Variants in ATG7 observed in about 807,000 individuals in gnomAD.
The protein encoded by ATG7 is autophagy related 7, also known as ubiquitin-like modifier-activating enzyme ATG7.
ATG7 carries 70 observed loss-of-function variants against 82.4 expected under a neutral mutation model. That is an observed-to-expected ratio of 0.85 (90% CI 0.70 to 1.04). ATG7 has a LOEUF of 1.04. Ranked by LOEUF, ATG7 falls within the 50% of genes least tolerant of loss-of-function variation. ATG7 has a pLI of 0.00. For missense variants in ATG7, 792 were observed against 864.3 expected, an observed-to-expected ratio of 0.92 and a Z score of 1.05; for synonymous variants, 287 against 313.0, an observed-to-expected ratio of 0.92 and a Z score of 0.88.
chr3:11,288,095 T>C (rs950559319), intron 3 of ATG7, among the ~76,000 whole-genome samples: 4 of 152,220 alleles, frequency 2.6e-5, no homozygotes, highest in Admixed American at 1.3e-4. Flanking sequence ...TCTGGCCTTC[T>C]TCAGGAAAAG....
At chr3:11,413,999 G>GC (rs2081149418) in intron 19 of ATG7, among the ~76,000 whole-genome samples, 2 of 108,594 alleles carry the variant, frequency 1.8e-5, no homozygotes, top group Non-Finnish European at 4.7e-5. Context: ...CTAGGTTATG[G>GC]TATTAGGTTT....
intron 19 of ATG7, among the ~76,000 whole-genome samples, chr3:11,402,809 G>T (rs1279032553): frequency 1.3e-5 from 2 of 152,008 alleles, no homozygotes; most frequent in Admixed American, 1.3e-4. Context: ...TGGAGTCAGG[G>T]TCTCATAGCC....
At chr3:11,274,705 T>A (rs974402201) in intron 1 of ATG7, among the ~76,000 whole-genome samples, 1 of 152,180 alleles carries the variant, frequency 6.6e-6, no homozygotes, top group African/African-American at 2.4e-5. Flanking sequence ...ACTAGTTTTG[T>A]GACCCTGGGC....
At chr3:11,487,494 C>T (rs75298356) in intron 20 of ATG7, among the ~76,000 whole-genome samples, 22 of 61,638 alleles carry the variant, frequency 3.6e-4, no homozygotes, top group African/African-American at 1.1e-3. Flanking sequence ...CCGGACAGGG[C>T]GGCTGGCCGG....
intron 20 of ATG7, among the ~76,000 whole-genome samples, chr3:11,520,440 T>C (rs902409741): frequency 1.3e-5 from 2 of 152,246 alleles, no homozygotes; most frequent in Non-Finnish European, 2.9e-5. Flanking sequence ...ATTCTGCTTA[T>C]AGCTCAGCAG....
chr3:11,298,154 A>G (rs1946243023), intron 3 of ATG7, among the ~76,000 whole-genome samples: 1 of 152,030 alleles, frequency 6.6e-6, no homozygotes. Context: ...ACTCCAGTGC[A>G]ACAGAGTGAG....
At chr3:11,371,712 G>T (rs1286959392) in intron 18 of ATG7, among the ~76,000 whole-genome samples, 1 of 151,056 alleles carries the variant, frequency 6.6e-6, no homozygotes, top group Non-Finnish European at 1.5e-5. Context: ...ATGAAAACAT[G>T]GCTTCTTGAT....
intron 19 of ATG7, among the ~76,000 whole-genome samples, chr3:11,409,664 C>T (rs983305973): frequency 3.9e-5 from 6 of 152,082 alleles, no homozygotes; most frequent in African/African-American, 1.4e-4. Flanking sequence ...TCTAGATTTT[C>T]TCCCATGTTA....
chr3:11,392,536 A>G (rs1307440204), intron 19 of ATG7, among the ~76,000 whole-genome samples: 3 of 152,032 alleles, frequency 2.0e-5, no homozygotes, highest in Non-Finnish European at 2.9e-5. Flanking sequence ...GGGCCAAGAA[A>G]CAGAACGATG....
At chr3:11,424,962 A>T (rs1283376112) in intron 19 of ATG7, among the ~76,000 whole-genome samples, 2 of 137,794 alleles carry the variant, frequency 1.5e-5, no homozygotes, top group Non-Finnish European at 1.6e-5. Context: ...CTTTTAATGG[A>T]TGCAAAATAT....
intron 20 of ATG7, among the ~76,000 whole-genome samples, chr3:11,471,264 CT>C (rs2087484678): frequency 6.6e-6 from 1 of 152,172 alleles, no homozygotes; most frequent in Non-Finnish European, 1.5e-5. Context: ...TCCTCTCAAG[CT>C]GGCCCTGGCG....
At chr3:11,334,817 G>A (rs1952165094) in intron 11 of ATG7, among the ~76,000 whole-genome samples, 1 of 151,762 alleles carries the variant, frequency 6.6e-6, no homozygotes, top group South Asian at 2.1e-4. Context: ...AATGAGCTAC[G>A]TGTGGTGGCG....
intron 1 of ATG7, chr3:11,277,300 G>A (rs1942017239): frequency 6.6e-6 from 1 of 152,240 alleles, no homozygotes; most frequent in African/African-American, 2.4e-5. Flanking sequence ...TTTCACATAA[G>A]GCTCTTCATG....
chr3:11,535,089 G>A (rs767098770), intron 20 of ATG7, among the ~76,000 whole-genome samples: 15 of 152,236 alleles, frequency 9.9e-5, no homozygotes, highest in Admixed American at 2.6e-4. Flanking sequence ...AAGGCCCAGC[G>A]GATTCTTCCT....
intron 13 of ATG7, among the ~76,000 whole-genome samples, chr3:11,344,072 A>T (rs547447349): frequency 6.6e-6 from 1 of 152,226 alleles, no homozygotes; most frequent in South Asian, 2.1e-4. Flanking sequence ...TTTCCTTTAG[A>T]GATATTTTCT....
At chr3:11,495,216 A>G (rs564694436) in intron 20 of ATG7, among the ~76,000 whole-genome samples, 2 of 152,202 alleles carry the variant, frequency 1.3e-5, no homozygotes, top group African/African-American at 4.8e-5. Context: ...CCAGGGAAGG[A>G]GGCAGGGATT....
chr3:11,483,396 C>G (rs951005738), intron 20 of ATG7, among the ~76,000 whole-genome samples: 1 of 151,360 alleles, frequency 6.6e-6, no homozygotes, highest in Non-Finnish European at 1.5e-5. Context: ...GAGCTCCCAA[C>G]ACGCACAGAT....
intron 8 of ATG7, among the ~76,000 whole-genome samples, chr3:11,314,581 A>G (rs1949130679): frequency 6.6e-6 from 1 of 152,144 alleles, no homozygotes; most frequent in Admixed American, 6.5e-5. Flanking sequence ...TGGTGCTTGC[A>G]TAACCCTGTG....
intron 9 of ATG7, among the ~76,000 whole-genome samples, chr3:11,323,247 T>A (rs1476777142): frequency 6.6e-6 from 1 of 152,218 alleles, no homozygotes; most frequent in Non-Finnish European, 1.5e-5. Context: ...AATTGCAGGC[T>A]ACCAGTGTGA....
Sources: gnomAD v4.1 joint callset for allele counts (sites outside exome capture counted in the v4.1 genomes callset) on GRCh38, gnomAD v4.1.1 for gene constraint, MANE v1.5 for transcripts, NCBI Gene and HGNC (gene_info 2026-07-23, HGNC 2026-07-21) for gene names.